The following SLC48A1 variants were observed in gnomAD, a reference collection of about 807,000 sequenced individuals.
SLC48A1 encodes solute carrier family 48 member 1, also known as heme transporter HRG1.
SLC48A1 carries 6 observed loss-of-function variants against 14.8 expected under a neutral mutation model. The observed-to-expected ratio is 0.41, with a 90% CI of 0.22 to 0.80. The LOEUF (loss-of-function observed/expected upper bound fraction) is 0.80, where lower values mean the gene tolerates loss of function less well. Among genes scored for constraint, SLC48A1 ranks in the 30% least tolerant of loss-of-function variants. The probability of loss-of-function intolerance (pLI) is 0.34; values close to 1 mark genes in which losing one functional copy is unlikely to be tolerated. For synonymous variants in SLC48A1, 89 were observed against 90.0 expected (o/e 0.99, Z 0.06); for missense variants, 165 against 204.8 (o/e 0.81, Z 1.19).
chr12:47,771,046 G>A, upstream of SLC48A1: 3 of 406,688 alleles, frequency 7.4e-6, no homozygotes, highest in South Asian at 5.1e-5. Context: ...AAGGAGGGCT[G>A]CTGCTGAGCT....
upstream of SLC48A1, chr12:47,771,131 G>GTTT (rs534094578): frequency 2.0e-3 from 569 of 288,274 alleles, 1 homozygote; most frequent in Non-Finnish European, 2.7e-3. Context: ...GTGGGGCTGG[G>GTTT]TTTATTTTTT....
In SLC48A1 at chr12:47,773,255, C is replaced by G. The variant is rs1403517664; in HGVS notation, c.-50C>G. 7 of 1,289,922 alleles carry G rather than the reference C, an allele frequency of 5.4e-6. No individual in the cohort carries two copies. The highest frequency in any genetic ancestry group is 3.9e-5 in the Admixed American group (1 of 25,960). 79.9% of individuals were successfully genotyped at this position (1,289,922 alleles called of 1,614,324 possible). A position where few individuals can be genotyped will look rare whatever the true frequency, so the allele number is the denominator to read the frequency against. On this transcript the variant is annotated 5_prime_UTR_variant, in exon 1 of 3. Transcript: ENST00000442218. ...CGGCTGGCGGCTTCGGGCCCTGCAC[C>G]TGTGACTCTCGGCCGCGCTCGCCCT...
At chr12:47,772,028 A>G (rs1942638840), upstream of SLC48A1, 2 of 154,660 alleles carry the variant, frequency 1.3e-5, no homozygotes, top group African/African-American at 4.8e-5. Flanking sequence ...CAGTGAGACC[A>G]TTATTTGGAT....
At chr12:47,758,122 G>T, upstream of SLC48A1, 1 of 1,531,696 alleles carries the variant, frequency 6.5e-7, no homozygotes. Flanking sequence ...GACACGACTG[G>T]GGCGGCTGGG....
In SLC48A1 at chr12:47,780,963, C is replaced by A. The variant is rs1224762723; in HGVS notation, c.*682C>A. 1.9e-6 allele frequency: 1 copy of A among 528,600 alleles called. No homozygotes were observed. Among genetic ancestry groups the A allele is most frequent in the Non-Finnish European group, 3.9e-6 (1 of 258,352 alleles). The allele number at this position is 528,600 out of a possible 1,614,324, so 32.7% of individuals were successfully genotyped here. A position where few individuals can be genotyped will look rare whatever the true frequency, so the allele number is the denominator to read the frequency against. On this transcript the variant is annotated 3_prime_UTR_variant, in exon 3 of 3. Transcript: ENST00000442218. ...AGGTGTAGGGCCATGAGGCCTGGAC[C>A]TATGCTGCAGGCAAGGGTTTCCATC...
At chr12:47,773,809 AACACACACAC>A (rs34356737) in intron 1 of SLC48A1, among the ~76,000 whole-genome samples, 1 of 150,632 alleles carries the variant, frequency 6.6e-6, no homozygotes, top group Non-Finnish European at 1.5e-5. Context: ...CCTATCCCCA[AACACACACAC>A]ACACACACAC....
At chr12:47,774,040 A>G (rs561929766) in intron 1 of SLC48A1, among the ~76,000 whole-genome samples, 1 of 152,310 alleles carries the variant, frequency 6.6e-6, no homozygotes, top group South Asian at 2.1e-4. Flanking sequence ...TAGAAACTGG[A>G]CATTCTCTTT....
chr12:47,761,196 CAAAA>C (rs35422100), intron 2 of SLC48A1, among the ~76,000 whole-genome samples: 4 of 102,046 alleles, frequency 3.9e-5, no homozygotes, highest in African/African-American at 3.6e-5. Context: ...AACTCCATCT[CAAAA>C]AAAAAAAAAA....
intron 2 of SLC48A1, among the ~76,000 whole-genome samples, chr12:47,761,196 CAA>C (rs35422100): frequency 9.8e-5 from 10 of 102,014 alleles, no homozygotes; most frequent in Admixed American, 1.9e-4. Flanking sequence ...AACTCCATCT[CAA>C]AAAAAAAAAA....
intron 1 of SLC48A1, among the ~76,000 whole-genome samples, chr12:47,759,491 G>A (rs929764468): frequency 2.0e-5 from 3 of 152,238 alleles, no homozygotes; most frequent in Admixed American, 6.5e-5. Context: ...GAACGGGTAG[G>A]GGCCCTAAGA....
upstream of SLC48A1, chr12:47,773,132 G>C (rs994323171): frequency 1.1e-5 from 10 of 933,738 alleles, no homozygotes; most frequent in Middle Eastern, 5.4e-4. Flanking sequence ...TCCGGGCGCG[G>C]GCGGCCTCCG....
upstream of SLC48A1, among the ~76,000 whole-genome samples, chr12:47,766,826 G>A (rs1047365501): frequency 9.2e-5 from 14 of 152,188 alleles, no homozygotes; most frequent in Non-Finnish European, 2.1e-4. Flanking sequence ...GCCAGACTCT[G>A]AGCAGTTTCA....
At chr12:47,773,826 A>G (rs756469238) in intron 1 of SLC48A1, among the ~76,000 whole-genome samples, 8 of 151,944 alleles carry the variant, frequency 5.3e-5, no homozygotes, top group Non-Finnish European at 1.2e-4. Context: ...ACACACACAC[A>G]CACGCACACA....
At chr12:47,769,477 A>G (rs1317498443), upstream of SLC48A1, 1 of 152,224 alleles carries the variant, frequency 6.6e-6, no homozygotes, top group Non-Finnish European at 1.5e-5. Flanking sequence ...TTCACTGGAT[A>G]AGATCTTAAT....
At chr12:47,758,430 C>A, upstream of SLC48A1, 1 of 1,560,250 alleles carries the variant, frequency 6.4e-7, no homozygotes, top group Non-Finnish European at 8.7e-7. Context: ...TCGGCTTAAA[C>A]CCTTCTCCTC....
At chr12:47,759,043 G>A in intron 1 of SLC48A1, 1 of 988,326 alleles carries the variant, frequency 1.0e-6, no homozygotes, top group East Asian at 1.1e-4. Context: ...CGCACCCGGG[G>A]GTACCAGAGT....
upstream of SLC48A1, among the ~76,000 whole-genome samples, chr12:47,754,675 A>G (rs1941949351): frequency 6.6e-6 from 1 of 152,220 alleles, no homozygotes; most frequent in Non-Finnish European, 1.5e-5. Flanking sequence ...GTAACTACTT[A>G]GTAAGTTTAG....
chr12:47,758,008 G>A (rs988971356), upstream of SLC48A1: 5 of 1,574,610 alleles, frequency 3.2e-6, no homozygotes, highest in East Asian at 4.7e-5. Context: ...TCCCACCCGC[G>A]GTGCTCCCAG....
upstream of SLC48A1, among the ~76,000 whole-genome samples, chr12:47,771,197 G>A (rs1166549856): frequency 6.6e-6 from 1 of 152,174 alleles, no homozygotes; most frequent in African/African-American, 2.4e-5. Context: ...GCTTAACACT[G>A]GTTTACATCC....
Sources: allele counts gnomAD v4.1 joint callset (sites outside exome capture counted in the v4.1 genomes callset), GRCh38; gene constraint gnomAD v4.1.1; transcripts MANE v1.5; gene names NCBI Gene and HGNC (gene_info 2026-07-23, HGNC 2026-07-21).